ADIPOR2: variants seen among roughly 807,000 people sequenced by gnomAD.
ADIPOR2 encodes adiponectin receptor 2.
Under a neutral mutation model 40.9 loss-of-function variants are expected in ADIPOR2, and 18 were observed. The observed-to-expected ratio is 0.44, with a 90% CI of 0.30 to 0.65. ADIPOR2 has a LOEUF of 0.65. ADIPOR2 is among the 30% of genes least tolerant of loss of function. The pLI, the probability that ADIPOR2 is intolerant of heterozygous loss-of-function variation, is 0.09. For synonymous variants in ADIPOR2, 165 were observed against 166.4 expected, an observed-to-expected ratio of 0.99 and a Z score of 0.06; for missense variants, 283 against 479.2, an observed-to-expected ratio of 0.59 and a Z score of 3.82.
chr12:1,746,829 A>G (rs999198133), intron 1 of ADIPOR2, among the ~76,000 whole-genome samples: 1 of 152,204 alleles, frequency 6.6e-6, no homozygotes, highest in Non-Finnish European at 1.5e-5. Flanking sequence ...CAGGAGTTTG[A>G]GACCAGCTTG....
chr12:1,786,407 C>T lies in ADIPOR2; in HGVS notation c.*335C>T, dbSNP rs1862836802. ...TATTTATTTGTAGAAGATGGCGAAA[C>T]AGTTTAGCTGGTGGTTCTTTCTTCT... On this transcript the variant is annotated 3_prime_UTR_variant, in exon 8 of 8. Coordinates refer to ENST00000357103, the MANE Select transcript of ADIPOR2 (RefSeq NM_024551.3). The T allele has an allele frequency of 8.9e-6, 2 of 225,810 alleles. No individual in the cohort carries two copies. The highest frequency in any genetic ancestry group is 1.7e-5 in the Non-Finnish European group (2 of 114,488). 14.0% of individuals were successfully genotyped at this position (225,810 alleles called of 1,614,324 possible). A position where few individuals can be genotyped will look rare whatever the true frequency, so the allele number is the denominator to read the frequency against.
At chr12:1,708,279 C>T (rs1053878229) in intron 1 of ADIPOR2, among the ~76,000 whole-genome samples, 2 of 151,284 alleles carry the variant, frequency 1.3e-5, no homozygotes, top group Non-Finnish European at 2.9e-5. Flanking sequence ...GTTCTTGAAA[C>T]CAGTCCACCA....
chr12:1,727,733 AT>A (rs1176771982), intron 1 of ADIPOR2, among the ~76,000 whole-genome samples: 1 of 151,906 alleles, frequency 6.6e-6, no homozygotes, highest in Non-Finnish European at 1.5e-5. Flanking sequence ...CCCTTGGGGT[AT>A]TCTCTTCCTA....
chr12:1,711,213 A>G (rs373203128), intron 1 of ADIPOR2, among the ~76,000 whole-genome samples: 11 of 152,202 alleles, frequency 7.2e-5, no homozygotes, highest in African/African-American at 2.7e-4. Context: ...TAGAGGAAGG[A>G]TAGATTTTGT....
intron 6 of ADIPOR2, 107 bp from the exon 7 acceptor site, chr12:1,783,773 A>C: frequency 1.1e-6 from 1 of 941,480 alleles, no homozygotes; most frequent in East Asian, 2.8e-5. Context: ...TTTATATGCT[A>C]CTTTGAAATA....
At chr12:1,782,801 G>A (rs1284812858) in intron 6 of ADIPOR2, among the ~76,000 whole-genome samples, 1 of 151,962 alleles carries the variant, frequency 6.6e-6, no homozygotes. Flanking sequence ...CTAGACTTTT[G>A]TACTTGATTG....
Position 1,754,247 on chromosome 12 carries a change from C to G in ADIPOR2, c.-86-11C>G. The stretch of plus-strand genomic sequence containing the variant: ...CTTTAATGCATTTTTTCAAAACTTT[C>G]ATCTTCTTAGGATCAACTCACTATC... On this transcript the variant is annotated splice_polypyrimidine_tract_variant and intron_variant, in intron 1 of 7. Coordinates refer to ENST00000357103, the MANE Select transcript of ADIPOR2 (RefSeq NM_024551.3). The G allele has an allele frequency of 8.0e-7, 1 of 1,257,608 alleles. No individual in the cohort carries two copies. The highest frequency in any genetic ancestry group is 2.9e-5 in the Admixed American group (1 of 34,824). The allele number at this position is 1,257,608 out of a possible 1,614,324, so 77.9% of individuals were successfully genotyped here.
intron 1 of ADIPOR2, among the ~76,000 whole-genome samples, chr12:1,730,358 C>G (rs1292400378): frequency 6.6e-6 from 1 of 151,832 alleles, no homozygotes; most frequent in South Asian, 2.1e-4. Context: ...TGGCTCACAC[C>G]TGTAATCTCA....
At chr12:1,754,006 T>C (rs780388418) in intron 1 of ADIPOR2, among the ~76,000 whole-genome samples, 3 of 152,222 alleles carry the variant, frequency 2.0e-5, no homozygotes, top group Non-Finnish European at 4.4e-5. Flanking sequence ...CTAGAACATA[T>C]GCACTTACAT....
chr12:1,699,447 C>G (rs6489322), intron 1 of ADIPOR2, among the ~76,000 whole-genome samples: 137,070 of 152,154 alleles, frequency 0.9, 62,022 homozygotes, highest in Non-Finnish European at 0.95. Context: ...GCGAAACCCC[C>G]GTCTCTACTG....
chr12:1,714,509 G>A lies in ADIPOR2; in HGVS notation c.-87+23318G>A, dbSNP rs762689339. 9.9e-5 allele frequency among the ~76,000 whole-genome samples: 15 copies of A among 152,084 alleles called. 1 individual carries two copies. Among genetic ancestry groups the A allele is most frequent in the Admixed American group, 3.9e-4 (6 of 15,274 alleles). On this transcript the variant is annotated intron_variant, in intron 1 of 7. Transcript: ENST00000357103. ...TTCTTAAGGCCTCCTGTAGCCGCTC[G>A]AGGAAGGCGGTAGGATTTTCTTCCT...
intron 2 of ADIPOR2, among the ~76,000 whole-genome samples, chr12:1,764,250 T>TA (rs1238158873): frequency 6.6e-6 from 1 of 152,130 alleles, no homozygotes; most frequent in African/African-American, 2.4e-5. Context: ...TGTAATGGGA[T>TA]AAAAAATGAG....
intron 1 of ADIPOR2, among the ~76,000 whole-genome samples, chr12:1,713,819 G>A (rs1409719684): frequency 1.3e-5 from 2 of 151,952 alleles, no homozygotes; most frequent in East Asian, 1.9e-4. Context: ...ACAGCTGTCC[G>A]GGACAGGAGA....
intron 1 of ADIPOR2, among the ~76,000 whole-genome samples, chr12:1,727,480 A>T (rs1233620755): frequency 1.3e-5 from 2 of 152,174 alleles, no homozygotes; most frequent in Non-Finnish European, 2.9e-5. Flanking sequence ...TATTATTTAA[A>T]TATTCTTTAT....
chr12:1,782,020 T>C (rs188315816), intron 6 of ADIPOR2, among the ~76,000 whole-genome samples: 3 of 152,304 alleles, frequency 2.0e-5, no homozygotes, highest in Non-Finnish European at 4.4e-5. Context: ...CATTCTGTTA[T>C]TTACATACAT....
chr12:1,723,222 A>G (rs1221197584), intron 1 of ADIPOR2, among the ~76,000 whole-genome samples: 1 of 152,162 alleles, frequency 6.6e-6, no homozygotes, highest in East Asian at 1.9e-4. Context: ...TCGAACATGG[A>G]TCATGTTTAA....
chr12:1,747,067 T>TA (rs775067721), intron 1 of ADIPOR2, among the ~76,000 whole-genome samples: 96 of 101,762 alleles, frequency 9.4e-4, no homozygotes, highest in Middle Eastern at 6.1e-3. Context: ...CCCCAAAAAA[T>TA]AAAAAAAACA....
At chr12:1,703,719 GAATA>G (rs140045963) in intron 1 of ADIPOR2, among the ~76,000 whole-genome samples, 6,705 of 151,484 alleles carry the variant, frequency 0.044, 241 homozygotes, top group East Asian at 0.17. Flanking sequence ...TCTGTCTCAC[GAATA>G]AATAAATAAA....
chr12:1,716,989 A>G (rs908975987), intron 1 of ADIPOR2, among the ~76,000 whole-genome samples: 2 of 152,248 alleles, frequency 1.3e-5, no homozygotes, highest in South Asian at 4.1e-4. Context: ...AGTAAACCTT[A>G]ATAAGCAGGC....
Sources: allele counts gnomAD v4.1 joint callset (sites outside exome capture counted in the v4.1 genomes callset), GRCh38; gene constraint gnomAD v4.1.1; transcripts MANE v1.5; gene names NCBI Gene and HGNC (gene_info 2026-07-23, HGNC 2026-07-21).